CHRM3: variants seen among roughly 807,000 people sequenced by gnomAD.
CHRM3 encodes cholinergic receptor muscarinic 3, also known as muscarinic acetylcholine receptor M3.
Under a neutral mutation model 41.8 loss-of-function variants are expected in CHRM3, and 11 were observed. The ratio of observed to expected loss-of-function variants is 0.26; its 90% CI spans 0.17 to 0.44. The LOEUF (loss-of-function observed/expected upper bound fraction) is 0.44. Ranked by LOEUF, CHRM3 falls within the 20% of genes least tolerant of loss-of-function variation. The pLI, the probability that CHRM3 is intolerant of heterozygous loss-of-function variation, is 1.00. For synonymous variants in CHRM3, 297 were observed against 301.4 expected (o/e 0.99, Z 0.15); for missense variants, 571 against 745.4 (o/e 0.77, Z 2.72).
At chr1:239,608,404 G>A (rs1292642337) in intron 3 of CHRM3, among the ~76,000 whole-genome samples, 1 of 152,000 alleles carries the variant, frequency 6.6e-6, no homozygotes, top group Non-Finnish European at 1.5e-5. Flanking sequence ...TTATTTTTGT[G>A]GGTTTTAATA....
chr1:239,811,802 G>C (rs961161290), intron 5 of CHRM3, among the ~76,000 whole-genome samples: 3 of 152,084 alleles, frequency 2.0e-5, no homozygotes, highest in Non-Finnish European at 4.4e-5. Context: ...AGAAGGAGCT[G>C]TTTCAATATT....
intron 3 of CHRM3, among the ~76,000 whole-genome samples, chr1:239,556,061 G>T (rs1660322784): frequency 6.6e-6 from 1 of 152,182 alleles, no homozygotes; most frequent in Non-Finnish European, 1.5e-5. Flanking sequence ...TTACTACGTT[G>T]CAATGATAGA....
chr1:239,438,279 A>G (rs1663431756), intron 1 of CHRM3, among the ~76,000 whole-genome samples: 1 of 152,226 alleles, frequency 6.6e-6, no homozygotes, highest in African/African-American at 2.4e-5. Context: ...TAAAACGTAC[A>G]TCTTATCTAG....
intron 4 of CHRM3, among the ~76,000 whole-genome samples, chr1:239,658,154 T>C (rs1451839175): frequency 2.0e-5 from 3 of 152,236 alleles, no homozygotes; most frequent in Non-Finnish European, 2.9e-5. Flanking sequence ...TATTGAGATC[T>C]AGTCTTTTAA....
intron 5 of CHRM3, among the ~76,000 whole-genome samples, chr1:239,800,863 A>T (rs556157265): frequency 4.9e-4 from 74 of 151,958 alleles, no homozygotes; most frequent in African/African-American, 1.6e-3. Context: ...TGAGAAAAAT[A>T]TAAACTATAA....
chr1:239,853,158 A>T (rs866417066), intron 6 of CHRM3, among the ~76,000 whole-genome samples: 1 of 151,888 alleles, frequency 6.6e-6, no homozygotes, highest in African/African-American at 2.4e-5. Context: ...ACCTCTCAAT[A>T]AAGTGTTGGT....
At chr1:239,605,658 T>C (rs1666155051) in intron 3 of CHRM3, among the ~76,000 whole-genome samples, 1 of 152,202 alleles carries the variant, frequency 6.6e-6, no homozygotes, top group Admixed American at 6.5e-5. Context: ...GTCTGATAAT[T>C]CCAGTTTACA....
chr1:239,843,447 C>CTTTTTTTTT (rs34901177), intron 6 of CHRM3, among the ~76,000 whole-genome samples: 1 of 81,222 alleles, frequency 1.2e-5, no homozygotes, highest in Non-Finnish European at 2.3e-5. Context: ...ACTCGCTTTC[C>CTTTTTTTTT]TTTTTTTTTT....
intron 1 of CHRM3, among the ~76,000 whole-genome samples, chr1:239,394,553 G>T (rs1027458573): frequency 6.6e-6 from 1 of 152,022 alleles, no homozygotes; most frequent in Non-Finnish European, 1.5e-5. Flanking sequence ...TCTTTTGGAG[G>T]GACCGCCATT....
chr1:239,748,126 G>A lies in CHRM3; in HGVS notation c.-147+69838G>A, dbSNP rs535000909. Among the ~76,000 whole-genome samples the A allele has an allele frequency of 6.6e-6, 1 of 152,304 alleles. No homozygotes were observed. The highest frequency in any genetic ancestry group is 2.4e-5 in the African/African-American group (1 of 41,564). On this transcript the variant is annotated intron_variant, in intron 5 of 6. Transcript: ENST00000676153. This position sits in a 1 kb window ranked among gnomAD's most constrained non-coding sequence, Gnocchi z 4.3. ...GAACAGACACCCTATAGATATCACT[G>A]TCTTCCAAAATTGTACTGGATTGCC...
chr1:239,611,558 T>C (rs1400378878), intron 3 of CHRM3, among the ~76,000 whole-genome samples: 1 of 151,656 alleles, frequency 6.6e-6, no homozygotes, highest in Non-Finnish European at 1.5e-5. Context: ...GTAGCTGGGA[T>C]TACAGGCATG....
chr1:239,544,460 G>A (rs1449491398), intron 2 of CHRM3, among the ~76,000 whole-genome samples: 1 of 152,072 alleles, frequency 6.6e-6, no homozygotes, highest in African/African-American at 2.4e-5. Context: ...TAAACTGACT[G>A]CTAACTAGTG....
chr1:239,803,520 GC>G (rs1453769382), intron 5 of CHRM3, among the ~76,000 whole-genome samples: 2 of 152,062 alleles, frequency 1.3e-5, no homozygotes, highest in Non-Finnish European at 2.9e-5. Context: ...AGTATGTTAG[GC>G]AAGAGTCCTA....
chr1:239,425,010 G>A (rs536842891), intron 1 of CHRM3, among the ~76,000 whole-genome samples: 107 of 152,284 alleles, frequency 7.0e-4, no homozygotes, highest in South Asian at 1.0e-3. Flanking sequence ...GGATTCTGGC[G>A]GAGTGATTGA....
At chr1:239,902,698 T>G (rs1037820519) in intron 6 of CHRM3, among the ~76,000 whole-genome samples, 6 of 152,190 alleles carry the variant, frequency 3.9e-5, no homozygotes, top group African/African-American at 1.4e-4. Context: ...CTTTTCTCGT[T>G]GCTTTAATAT....
chr1:239,863,017 G>C (rs1218932498), intron 6 of CHRM3, among the ~76,000 whole-genome samples: 2 of 152,162 alleles, frequency 1.3e-5, no homozygotes, highest in East Asian at 3.9e-4. Flanking sequence ...AAATAAATGT[G>C]GTTTAAGCCT....
At chr1:239,802,675 C>A (rs1471968148) in intron 5 of CHRM3, among the ~76,000 whole-genome samples, 1 of 152,154 alleles carries the variant, frequency 6.6e-6, no homozygotes, top group African/African-American at 2.4e-5. Flanking sequence ...AGGCTCAGTG[C>A]AGCCTCAACC....
intron 1 of CHRM3, among the ~76,000 whole-genome samples, chr1:239,400,518 G>T (rs1397662056): frequency 2.0e-5 from 3 of 152,052 alleles, no homozygotes; most frequent in Admixed American, 6.5e-5. Flanking sequence ...TTACCCAAAA[G>T]TTCTTTGCCG....
chr1:239,735,060 G>A (rs573893750), intron 5 of CHRM3, among the ~76,000 whole-genome samples: 30 of 152,196 alleles, frequency 2.0e-4, no homozygotes, highest in Admixed American at 6.6e-4. Flanking sequence ...TTGATTTGCC[G>A]ATTTTTGTGA....
Sources: allele counts gnomAD v4.1 joint callset (sites outside exome capture counted in the v4.1 genomes callset), GRCh38; gene constraint gnomAD v4.1.1; non-coding constraint Gnocchi (gnomAD v3.1); transcripts MANE v1.5; gene names NCBI Gene and HGNC (gene_info 2026-07-23, HGNC 2026-07-21).